UNC5C: variants seen among roughly 807,000 people sequenced by gnomAD.
The protein encoded by UNC5C is unc-5 netrin receptor C, also known as netrin receptor UNC5C.
A neutral mutation model predicts 99.8 loss-of-function variants in UNC5C; 47 were observed. The observed-to-expected ratio is 0.47, with a 90% CI of 0.37 to 0.60. The LOEUF is 0.60. UNC5C is among the 20% of genes least tolerant of loss of function. The probability of loss-of-function intolerance (pLI) is 0.00; values close to 1 mark genes in which losing one functional copy is unlikely to be tolerated. For synonymous variants in UNC5C, 487 were observed against 452.2 expected (o/e 1.08, Z -0.98); for missense variants, 1,062 against 1,165.9 (o/e 0.91, Z 1.30).
intron 7 of UNC5C, chr4:95,222,141 T>C (rs1174129162): frequency 8.6e-7 from 1 of 1,162,804 alleles, no homozygotes; most frequent in Non-Finnish European, 1.2e-6. Context: ...CGAAGAAAGG[T>C]AAACTTGAAC....
chr4:95,376,216 T>C (rs898621047), intron 1 of UNC5C, among the ~76,000 whole-genome samples: 27 of 95,470 alleles, frequency 2.8e-4, no homozygotes, highest in African/African-American at 1.4e-3. Flanking sequence ...TACATATTTA[T>C]ACATATATAT....
chr4:95,321,597 G>A (rs1742694457), intron 2 of UNC5C, among the ~76,000 whole-genome samples: 1 of 152,118 alleles, frequency 6.6e-6, no homozygotes, highest in Non-Finnish European at 1.5e-5. Flanking sequence ...TGAATCAATT[G>A]TGAACACTAA....
intron 1 of UNC5C, among the ~76,000 whole-genome samples, chr4:95,446,818 G>T (rs1282366426): frequency 2.0e-5 from 3 of 151,330 alleles, no homozygotes; most frequent in African/African-American, 7.2e-5. Flanking sequence ...GCGATTATCT[G>T]GTTTTTCAAT....
intron 11 of UNC5C, among the ~76,000 whole-genome samples, chr4:95,205,973 C>T (rs987992441): frequency 2.2e-4 from 33 of 151,534 alleles, no homozygotes; most frequent in African/African-American, 7.5e-4. Flanking sequence ...TGTTTCTGAC[C>T]TGCAAATTAT....
intron 1 of UNC5C, among the ~76,000 whole-genome samples, chr4:95,371,509 T>G (rs1191386788): frequency 2.0e-5 from 3 of 152,050 alleles, no homozygotes; most frequent in African/African-American, 7.2e-5. Flanking sequence ...TCTGATGGTT[T>G]AGAGGCAAGT....
At chr4:95,225,182 G>A (rs539055208) in intron 7 of UNC5C, among the ~76,000 whole-genome samples, 201 of 152,190 alleles carry the variant, frequency 1.3e-3, no homozygotes, top group African/African-American at 4.3e-3. Context: ...TCAGCCTCCC[G>A]AGTGGCTGGG....
chr4:95,274,327 T>A (rs1227829559), intron 4 of UNC5C, among the ~76,000 whole-genome samples: 1 of 152,042 alleles, frequency 6.6e-6, no homozygotes, highest in African/African-American at 2.4e-5. Flanking sequence ...TGTGACCCGG[T>A]GGCTAAAGGG....
At chr4:95,412,818 G>A (rs74707188) in intron 1 of UNC5C, among the ~76,000 whole-genome samples, 1,777 of 152,230 alleles carry the variant, frequency 0.012, 20 homozygotes, top group Middle Eastern at 0.034. Context: ...GAGAGCATAC[G>A]TTGCAAGAAA....
At chr4:95,473,912 C>G (rs1178960627) in intron 1 of UNC5C, among the ~76,000 whole-genome samples, 1 of 152,068 alleles carries the variant, frequency 6.6e-6, no homozygotes, top group Non-Finnish European at 1.5e-5. Context: ...ATTTCAAGGT[C>G]CAAATCCCTG....
At position 95,166,419 on chromosome 4, in the gene UNC5C, C is replaced by T. The variant is rs1220070879; in HGVS notation, c.*2815G>A. ...ATTAAGGGTTCTGACAGATGAGTAC[C>T]TCACACACGAAATCAATCACTTTTC... is the stretch of plus-strand genomic sequence containing the variant. On this transcript the variant is annotated 3_prime_UTR_variant, in exon 16 of 16. Coordinates refer to ENST00000453304, the MANE Select transcript of UNC5C (RefSeq NM_003728.4). The T allele has an allele frequency of 6.6e-6, 1 of 152,110 alleles. No homozygotes were observed. The highest frequency in any genetic ancestry group is 1.5e-5 in the Non-Finnish European group (1 of 68,014). The allele number at this position is 152,110 out of a possible 1,614,324, so 9.4% of individuals were successfully genotyped here.
At chr4:95,255,640 T>TCC (rs1739948414) in intron 4 of UNC5C, among the ~76,000 whole-genome samples, 1 of 152,106 alleles carries the variant, frequency 6.6e-6, no homozygotes, top group African/African-American at 2.4e-5. Flanking sequence ...TTGTACTCCG[T>TCC]ATCTTAGTCT....
At chr4:95,417,701 ATGAGTAGG>A (rs1261618359) in intron 1 of UNC5C, among the ~76,000 whole-genome samples, 1 of 152,174 alleles carries the variant, frequency 6.6e-6, no homozygotes, top group African/African-American at 2.4e-5. Context: ...CACAAAGGGA[ATGAGTAGG>A]TGAGTAGGTG....
intron 2 of UNC5C, among the ~76,000 whole-genome samples, chr4:95,330,321 C>A (rs766720546): frequency 2.8e-4 from 42 of 152,058 alleles, no homozygotes; most frequent in Non-Finnish European, 8.8e-5. Flanking sequence ...GGTGACATTA[C>A]AGATTCATTT....
chr4:95,371,806 A>G (rs1416523951), intron 1 of UNC5C, among the ~76,000 whole-genome samples: 3 of 152,192 alleles, frequency 2.0e-5, no homozygotes, highest in African/African-American at 7.2e-5. Context: ...ATTTAACTCA[A>G]ATTTTCACCC....
chr4:95,367,841 T>G (rs950725905), intron 1 of UNC5C, among the ~76,000 whole-genome samples: 1 of 152,218 alleles, frequency 6.6e-6, no homozygotes, highest in Non-Finnish European at 1.5e-5. Flanking sequence ...GCTTAAGAAA[T>G]TCTTTTTGAA....
At chr4:95,270,563 A>G (rs1474305703) in intron 4 of UNC5C, among the ~76,000 whole-genome samples, 3 of 152,208 alleles carry the variant, frequency 2.0e-5, no homozygotes, top group South Asian at 2.1e-4. Context: ...TTAATTGCAC[A>G]TATGTCTAGC....
At chr4:95,429,100 T>G (rs1317849096) in intron 1 of UNC5C, among the ~76,000 whole-genome samples, 7 of 152,088 alleles carry the variant, frequency 4.6e-5, no homozygotes, top group African/African-American at 1.7e-4. Flanking sequence ...CTTTCACTAC[T>G]CAGTAGACCA....
At chr4:95,191,759 T>C (rs1737109019) in intron 12 of UNC5C, among the ~76,000 whole-genome samples, 1 of 139,332 alleles carries the variant, frequency 7.2e-6, no homozygotes, top group South Asian at 2.4e-4. Context: ...CTGCTTACCC[T>C]CCTCCCCTGC....
chr4:95,235,621 A>G (rs1739080556), intron 7 of UNC5C, among the ~76,000 whole-genome samples: 1 of 152,158 alleles, frequency 6.6e-6, no homozygotes, highest in Non-Finnish European at 1.5e-5. Context: ...TTTTAGGTCT[A>G]ACATTGCAGT....
Sources: allele counts gnomAD v4.1 joint callset (sites outside exome capture counted in the v4.1 genomes callset), GRCh38; gene constraint gnomAD v4.1.1; transcripts MANE v1.5; gene names NCBI Gene and HGNC (gene_info 2026-07-23, HGNC 2026-07-21).